MICU2: variants seen among roughly 807,000 people sequenced by gnomAD.
The protein encoded by MICU2 is mitochondrial calcium uptake 2.
MICU2 carries 64 observed loss-of-function variants against 60.4 expected under a neutral mutation model. The ratio of observed to expected loss-of-function variants is 1.06; its 90% CI spans 0.87 to 1.31. The LOEUF (loss-of-function observed/expected upper bound fraction) is 1.31. MICU2 is among the 50% of genes most tolerant of loss of function. The pLI is 0.00. For missense variants in MICU2, 569 were observed against 531.0 expected (o/e 1.07, Z -0.70); for synonymous variants, 201 against 175.0 (o/e 1.15, Z -1.17).
At chr13:21,593,592 AAAC>A (rs1219003624) in intron 1 of MICU2, among the ~76,000 whole-genome samples, 2 of 149,440 alleles carry the variant, frequency 1.3e-5, no homozygotes, top group Non-Finnish European at 3.0e-5. Context: ...AAAAAAAAAA[AAAC>A]AAAGCTGGAG....
intron 7 of MICU2, 66 bp from the exon 8 acceptor site, chr13:21,510,167 A>G (rs1039133690): frequency 3.8e-6 from 3 of 786,796 alleles, no homozygotes; most frequent in Non-Finnish European, 5.4e-6. Flanking sequence ...TCTGTAGAGT[A>G]GAAATCTTAG....
chr13:21,533,193 GTTTATT>G (rs1217719490), intron 4 of MICU2, among the ~76,000 whole-genome samples: 1 of 151,932 alleles, frequency 6.6e-6, no homozygotes, highest in African/African-American at 2.4e-5. Context: ...GCCTTAAAAA[GTTTATT>G]AAATTCCACG....
intron 6 of MICU2, among the ~76,000 whole-genome samples, chr13:21,518,456 T>C (rs553821025): frequency 1.1e-4 from 17 of 152,198 alleles, no homozygotes; most frequent in Non-Finnish European, 1.2e-4. Context: ...CCACTATTAT[T>C]ATCAGGGGCT....
intron 2 of MICU2, among the ~76,000 whole-genome samples, chr13:21,562,236 A>T (rs1887863924): frequency 6.6e-6 from 1 of 152,092 alleles, no homozygotes; most frequent in Non-Finnish European, 1.5e-5. Flanking sequence ...CAGTGATGGG[A>T]TGGCTGGGTC....
chr13:21,581,320 G>A (rs563535650), intron 1 of MICU2, among the ~76,000 whole-genome samples: 3 of 152,230 alleles, frequency 2.0e-5, no homozygotes, highest in African/African-American at 7.2e-5. Flanking sequence ...GTTTCACCAT[G>A]TTGACCAGGC....
chr13:21,517,811 G>GCA (rs1331772180), intron 6 of MICU2, among the ~76,000 whole-genome samples: 1 of 139,214 alleles, frequency 7.2e-6, no homozygotes, highest in African/African-American at 2.5e-5. Context: ...GCGCGCGCGC[G>GCA]CGCACACGCG....
At chr13:21,540,843 T>C (rs1887263886) in intron 2 of MICU2, among the ~76,000 whole-genome samples, 1 of 152,072 alleles carries the variant, frequency 6.6e-6, no homozygotes, top group Admixed American at 6.5e-5. Flanking sequence ...CAAATCTAAG[T>C]GAGTGAATGT....
chr13:21,596,279 T>C (rs1182941070), intron 1 of MICU2, among the ~76,000 whole-genome samples: 3 of 152,088 alleles, frequency 2.0e-5, no homozygotes, highest in African/African-American at 7.2e-5. Context: ...ACAGAGTTGC[T>C]TTTCCAATCC....
At chr13:21,504,939 C>T (rs1393456898) in intron 8 of MICU2, among the ~76,000 whole-genome samples, 1 of 152,130 alleles carries the variant, frequency 6.6e-6, no homozygotes, top group Non-Finnish European at 1.5e-5. Context: ...CCTCTAGACA[C>T]CTCTGAATTT....
At chr13:21,518,301 A>G (rs1378068111) in intron 6 of MICU2, among the ~76,000 whole-genome samples, 2 of 152,238 alleles carry the variant, frequency 1.3e-5, no homozygotes, top group Non-Finnish European at 2.9e-5. Flanking sequence ...TGTGAAAACA[A>G]CAACAACGAT....
intron 2 of MICU2, among the ~76,000 whole-genome samples, chr13:21,546,963 T>C (rs1051628793): frequency 6.6e-6 from 1 of 152,210 alleles, no homozygotes; most frequent in East Asian, 1.9e-4. Context: ...CTCTTTTAAA[T>C]GTGTAGGTCT....
intron 2 of MICU2, among the ~76,000 whole-genome samples, chr13:21,550,241 C>G (rs1887521992): frequency 6.6e-6 from 1 of 152,108 alleles, no homozygotes; most frequent in Non-Finnish European, 1.5e-5. Flanking sequence ...CTGAGCTACA[C>G]TTAAAAATAC....
chr13:21,524,378 A>G (rs377280884), intron 4 of MICU2, among the ~76,000 whole-genome samples: 29 of 152,264 alleles, frequency 1.9e-4, no homozygotes, highest in African/African-American at 6.7e-4. Flanking sequence ...CAAAACCCAC[A>G]TATACATATC....
At chr13:21,494,573 T>C (rs1405229361) in intron 11 of MICU2, among the ~76,000 whole-genome samples, 1 of 152,226 alleles carries the variant, frequency 6.6e-6, no homozygotes, top group African/African-American at 2.4e-5. Flanking sequence ...GGGTCAAGAA[T>C]CTGAGACTAA....
At chr13:21,554,098 C>T (rs1020447654) in intron 2 of MICU2, among the ~76,000 whole-genome samples, 1 of 152,124 alleles carries the variant, frequency 6.6e-6, no homozygotes, top group Admixed American at 6.5e-5. Flanking sequence ...CTTTAACACC[C>T]CACTGTCAAC....
At chr13:21,545,770 T>C (rs563633558) in intron 2 of MICU2, among the ~76,000 whole-genome samples, 6 of 152,176 alleles carry the variant, frequency 3.9e-5, no homozygotes, top group African/African-American at 1.2e-4. Flanking sequence ...GGAAGAGATT[T>C]GTTAAAGGAT....
chr13:21,548,244 A>ATT, intron 2 of MICU2, among the ~76,000 whole-genome samples: 1 of 152,228 alleles, frequency 6.6e-6, no homozygotes, highest in Non-Finnish European at 1.5e-5. Context: ...TGTAAAAAGA[A>ATT]ATGTGTTAAT....
chr13:21,575,211 C>G (rs576946272), intron 1 of MICU2, among the ~76,000 whole-genome samples: 21 of 151,944 alleles, frequency 1.4e-4, no homozygotes, highest in Non-Finnish European at 2.4e-4. Flanking sequence ...CCATAGATTT[C>G]TATCTGGAGA....
chr13:21,554,096 C>G (rs1344755605), intron 2 of MICU2, among the ~76,000 whole-genome samples: 1 of 152,160 alleles, frequency 6.6e-6, no homozygotes, highest in African/African-American at 2.4e-5. Flanking sequence ...GACTTTAACA[C>G]CCCACTGTCA....
Sources: allele counts gnomAD v4.1 joint callset (sites outside exome capture counted in the v4.1 genomes callset), GRCh38; gene constraint gnomAD v4.1.1; transcripts MANE v1.5; gene names NCBI Gene and HGNC (gene_info 2026-07-23, HGNC 2026-07-21).